Variants in NF2 observed in about 807,000 individuals in gnomAD.
The protein encoded by NF2 is merlin.
NF2 carries 8 observed loss-of-function variants against 83.7 expected under a neutral mutation model. The observed-to-expected ratio is 0.10, with a 90% CI of 0.06 to 0.17. The LOEUF (loss-of-function observed/expected upper bound fraction) is 0.17, where lower values mean the gene tolerates loss of function less well. Ranked by LOEUF, NF2 falls within the 10% of genes least tolerant of loss-of-function variation. The pLI, the probability that NF2 is intolerant of heterozygous loss-of-function variation, is 1.00. For missense variants in NF2, 533 were observed against 744.4 expected (o/e 0.72, Z 3.31); for synonymous variants, 266 against 269.6 (o/e 0.99, Z 0.13).
At chr22:29,678,704 G>A (rs2067041211) in intron 14 of NF2, among the ~76,000 whole-genome samples, 1 of 152,134 alleles carries the variant, frequency 6.6e-6, no homozygotes, top group Non-Finnish European at 1.5e-5. Context: ...CCAGCAACTG[G>A]GATCTGTGGT....
At chr22:29,611,740 G>A (rs577037334) in intron 1 of NF2, among the ~76,000 whole-genome samples, 4 of 152,208 alleles carry the variant, frequency 2.6e-5, no homozygotes, top group South Asian at 4.1e-4. Flanking sequence ...AGACCCTGAG[G>A]AATCCACTAC....
Position 29,695,589 on chromosome 22 carries a change from A to C in NF2, c.*787A>C, listed in dbSNP as rs1383026838. The C allele has an allele frequency of 4.3e-6, 1 of 234,944 alleles. No homozygotes were observed. Among genetic ancestry groups the C allele is most frequent in the Non-Finnish European group, 8.4e-6 (1 of 119,378 alleles). 14.6% of individuals were successfully genotyped at this position (234,944 alleles called of 1,614,324 possible). On this transcript the variant is annotated 3_prime_UTR_variant, in exon 16 of 16. Coordinates refer to ENST00000338641, the MANE Select transcript of NF2 (RefSeq NM_000268.4). This position sits in a 1 kb window ranked among gnomAD's most constrained non-coding sequence, Gnocchi z 5.4. ...GGCAGGAGCCACTCATGTCTTCCCC[A>C]TTGCCCGACGCCCATAGACGCTCCT...
At chr22:29,635,618 A>C (rs944307338) in intron 1 of NF2, among the ~76,000 whole-genome samples, 2 of 152,130 alleles carry the variant, frequency 1.3e-5, no homozygotes, top group African/African-American at 4.8e-5. Context: ...GTGAACCACC[A>C]CGCCCGGCTG....
intron 4 of NF2, among the ~76,000 whole-genome samples, chr22:29,651,902 C>G (rs2530670): frequency 0.36 from 55,272 of 152,050 alleles, 10,962 homozygotes; most frequent in Non-Finnish European, 0.47. Context: ...ATGCAACTAA[C>G]AGGGCTTTCT....
chr22:29,610,194 A>C (rs2064912468), intron 1 of NF2, among the ~76,000 whole-genome samples: 1 of 151,974 alleles, frequency 6.6e-6, no homozygotes, highest in African/African-American at 2.4e-5. Context: ...ACTATATCTA[A>C]ACTCAGCTAG....
intron 1 of NF2, among the ~76,000 whole-genome samples, chr22:29,623,759 C>T (rs144513971): frequency 1.3e-5 from 2 of 152,284 alleles, no homozygotes; most frequent in Non-Finnish European, 2.9e-5. Flanking sequence ...GTAAAATCAT[C>T]AAGATCCCTA....
intron 15 of NF2, among the ~76,000 whole-genome samples, chr22:29,685,136 G>A (rs1769026097): frequency 6.6e-6 from 1 of 151,644 alleles, no homozygotes; most frequent in Admixed American, 6.6e-5. Flanking sequence ...GCTTTGTTTT[G>A]AGACACGGTC....
chr22:29,609,897 G>C (rs2064903289), intron 1 of NF2, among the ~76,000 whole-genome samples: 1 of 152,116 alleles, frequency 6.6e-6, no homozygotes, highest in Non-Finnish European at 1.5e-5. Context: ...TTTTCCAAAA[G>C]CAAAGGAAGT....
chr22:29,683,230 C>A, intron 15 of NF2: 2 of 1,562,804 alleles, frequency 1.3e-6, no homozygotes, highest in Non-Finnish European at 1.7e-6. Flanking sequence ...AAAGTAGGCA[C>A]CCACCCTGTG....
At position 29,694,638 on chromosome 22, in the gene NF2, G is replaced by T; in HGVS notation, c.1738-114G>T. ...AACTTCTTGAGCATCTATTTGAACAGCCTTCCCTTTCGCTCCCAGCCACCT... is the reference window on the plus strand; with the variant it reads ...AACTTCTTGAGCATCTATTTGAACATCCTTCCCTTTCGCTCCCAGCCACCT... On this transcript the variant is annotated intron_variant, in intron 15 of 15. Coordinates refer to ENST00000338641, the MANE Select transcript of NF2 (RefSeq NM_000268.4). This position sits in a 1 kb window ranked among gnomAD's most constrained non-coding sequence, Gnocchi z 4.1. 1 of 1,042,970 alleles carries T rather than the reference G, an allele frequency of 9.6e-7. No homozygotes were observed. Among genetic ancestry groups the T allele is most frequent in the South Asian group, 1.3e-5 (1 of 74,116 alleles). 64.6% of individuals were successfully genotyped at this position (1,042,970 alleles called of 1,614,324 possible).
At chr22:29,647,594 G>C (rs2066017543) in intron 4 of NF2, among the ~76,000 whole-genome samples, 1 of 152,144 alleles carries the variant, frequency 6.6e-6, no homozygotes, top group Non-Finnish European at 1.5e-5. Context: ...TTGGTTGGAT[G>C]GGGGCTGACT....
At chr22:29,627,917 G>A (rs2065407638) in intron 1 of NF2, among the ~76,000 whole-genome samples, 1 of 152,036 alleles carries the variant, frequency 6.6e-6, no homozygotes, top group South Asian at 2.1e-4. Context: ...TCACCAAAGG[G>A]GTAAAATATA....
Position 29,671,826 on chromosome 22 carries a change from A to T in NF2, c.1000A>T (p.Met334Leu), listed in dbSNP as rs1556000094. Residue 334 changes from methionine to leucine, a missense_variant and splice_region_variant, in exon 11 of 16, where the codon ATG becomes TTG. Physicochemically the swap from Met to Leu is conservative, Grantham distance 15. Coordinates refer to ENST00000338641, the MANE Select transcript of NF2 (RefSeq NM_000268.4). ...GACTGTTTTTCTTCACCCCTCGCAG[A>T]TGGAGCGGCAGCGCCTCGCTCGAGA... ...QAREEKARKQ[M>L]ERQRLAREKQ... The T allele has an allele frequency of 6.2e-7, 1 of 1,613,998 alleles. No homozygotes were observed. Among genetic ancestry groups the T allele is most frequent in the Non-Finnish European group, 8.5e-7 (1 of 1,179,940 alleles).
Position 29,620,132 on chromosome 22 carries a change from G to A in NF2, c.114+16020G>A, listed in dbSNP as rs563092515. Among the ~76,000 whole-genome samples the A allele has an allele frequency of 2.6e-5, 4 of 152,162 alleles. No homozygotes were observed. The South Asian group carries it at 6.2e-4, about 24-fold the overall frequency. On this transcript the variant is annotated intron_variant, in intron 1 of 15. Transcript: ENST00000338641. The stretch of plus-strand genomic sequence containing the variant: ...AAATTAGCCAGGCGTGGTAGTGGGC[G>A]CCTGTAGTCCCAGCTACTCCGGAGG...
intron 1 of NF2, among the ~76,000 whole-genome samples, chr22:29,629,894 C>T (rs1202747529): frequency 6.6e-6 from 1 of 152,230 alleles, no homozygotes; most frequent in Admixed American, 6.5e-5. Context: ...CAACATTTCT[C>T]CATAGGTTCT....
chr22:29,681,396 C>G lies in NF2; in HGVS notation c.1575-43C>G, dbSNP rs754042236. ...CGCAGAGCACCTGAGCCGTGTCTCA[C>G]TGTCTGCCCAAGCCCTGATGCATGA... On this transcript the variant is annotated intron_variant, in intron 14 of 15. Transcript: ENST00000338641. The G allele has an allele frequency of 1.2e-6, 2 of 1,611,640 alleles. 1 individual carries two copies. Among genetic ancestry groups the G allele is most frequent in the South Asian group, 2.2e-5 (2 of 90,860 alleles).
intron 1 of NF2, among the ~76,000 whole-genome samples, chr22:29,610,288 G>C (rs184486957): frequency 6.6e-6 from 1 of 152,054 alleles, no homozygotes; most frequent in African/African-American, 2.4e-5. Flanking sequence ...TGAGGAGGCA[G>C]TGAGCTATGA....
chr22:29,622,656 T>G (rs1197353342), intron 1 of NF2, among the ~76,000 whole-genome samples: 2 of 133,178 alleles, frequency 1.5e-5, no homozygotes, highest in African/African-American at 5.9e-5. Flanking sequence ...ATTTTTTTTT[T>G]TTTTTTTTTT....
chr22:29,690,963 C>T lies in NF2; in HGVS notation c.1738-3789C>T, dbSNP rs78670297. ...GTTTTGAAGGACAGTGCATGACAGACGTCACTGGTCAGGTTCACCAGAGCT... is the reference window on the plus strand; with the variant it reads ...GTTTTGAAGGACAGTGCATGACAGATGTCACTGGTCAGGTTCACCAGAGCT... On this transcript the variant is annotated intron_variant, in intron 15 of 15. Transcript: ENST00000338641. 2.1e-3 allele frequency among the ~76,000 whole-genome samples: 315 copies of T among 152,284 alleles called. 1 individual carries two copies. The highest frequency in any genetic ancestry group is 7.1e-3 in the African/African-American group (294 of 41,544).
Sources: allele counts gnomAD v4.1 joint callset (sites outside exome capture counted in the v4.1 genomes callset), GRCh38; gene constraint gnomAD v4.1.1; non-coding constraint Gnocchi (gnomAD v3.1); transcripts MANE v1.5; gene names NCBI Gene and HGNC (gene_info 2026-07-23, HGNC 2026-07-21).